The following HTR7 variants were observed in gnomAD, a reference collection of about 807,000 sequenced individuals.
HTR7 encodes the protein 5-hydroxytryptamine receptor 7.
HTR7 carries 16 observed loss-of-function variants against 34.0 expected under a neutral mutation model. The observed-to-expected ratio is 0.47, with a 90% CI of 0.32 to 0.71. The LOEUF is 0.71. HTR7 is among the 30% of genes least tolerant of loss of function. The pLI is 0.04. For synonymous variants in HTR7, 265 were observed against 260.2 expected (o/e 1.02, Z -0.18); for missense variants, 504 against 625.5 (o/e 0.81, Z 2.07).
chr10:90,807,608 A>C (rs1208778166), intron 1 of HTR7, among the ~76,000 whole-genome samples: 1 of 152,200 alleles, frequency 6.6e-6, no homozygotes, highest in Non-Finnish European at 1.5e-5. Context: ...CAAATATTAT[A>C]AAACGGCCCC....
At chr10:90,803,401 A>C (rs1845659177) in intron 1 of HTR7, among the ~76,000 whole-genome samples, 1 of 152,094 alleles carries the variant, frequency 6.6e-6, no homozygotes, top group South Asian at 2.1e-4. Context: ...CGTTTACTGG[A>C]GTTGTACACA....
At chr10:90,765,611 T>G (rs1227459400) in intron 1 of HTR7, among the ~76,000 whole-genome samples, 1 of 152,024 alleles carries the variant, frequency 6.6e-6, no homozygotes, top group African/African-American at 2.4e-5. Flanking sequence ...ACATATAAAG[T>G]TGCATTGTTT....
At chr10:90,845,693 T>C (rs1846404998) in intron 1 of HTR7, among the ~76,000 whole-genome samples, 1 of 152,232 alleles carries the variant, frequency 6.6e-6, no homozygotes, top group Non-Finnish European at 1.5e-5. Flanking sequence ...ACTCTCACAA[T>C]GAAGTTTTAG....
chr10:90,842,346 A>G (rs952644424), intron 1 of HTR7, among the ~76,000 whole-genome samples: 1 of 152,166 alleles, frequency 6.6e-6, no homozygotes, highest in Non-Finnish European at 1.5e-5. Flanking sequence ...AACTGTGAGA[A>G]ACAAATTTCT....
intron 1 of HTR7, among the ~76,000 whole-genome samples, chr10:90,849,169 C>A (rs1589481997): frequency 6.6e-6 from 1 of 152,138 alleles, no homozygotes; most frequent in Non-Finnish European, 1.5e-5. Context: ...AAGCATCTTT[C>A]TGATATGTAC....
At chr10:90,765,429 A>G (rs1412157416) in intron 1 of HTR7, among the ~76,000 whole-genome samples, 2 of 150,866 alleles carry the variant, frequency 1.3e-5, no homozygotes, top group Non-Finnish European at 3.0e-5. Flanking sequence ...ATTCCCTCTC[A>G]TTCTTAGTCT....
chr10:90,761,569 T>C (rs564234946), intron 1 of HTR7, among the ~76,000 whole-genome samples: 28 of 151,720 alleles, frequency 1.8e-4, no homozygotes, highest in South Asian at 8.3e-4. Context: ...ATGGGCCACA[T>C]AGATGTGTTA....
At chr10:90,806,917 A>G (rs1273359531) in intron 1 of HTR7, among the ~76,000 whole-genome samples, 1 of 152,204 alleles carries the variant, frequency 6.6e-6, no homozygotes, top group Non-Finnish European at 1.5e-5. Flanking sequence ...TGGGGCAACA[A>G]AAAGTACCTC....
At chr10:90,752,305 TAAC>T (rs951794051) in intron 1 of HTR7, among the ~76,000 whole-genome samples, 4 of 152,126 alleles carry the variant, frequency 2.6e-5, no homozygotes, top group Non-Finnish European at 5.9e-5. Flanking sequence ...ATGATGCAAT[TAAC>T]AACAACTAAA....
intron 1 of HTR7, among the ~76,000 whole-genome samples, chr10:90,773,984 A>G (rs1009656140): frequency 1.3e-5 from 2 of 152,124 alleles, no homozygotes; most frequent in African/African-American, 4.8e-5. Context: ...TCTGCCAACT[A>G]TATGACTGCT....
chr10:90,843,968 A>G (rs2120099159), intron 1 of HTR7, among the ~76,000 whole-genome samples: 1 of 152,356 alleles, frequency 6.6e-6, no homozygotes, highest in East Asian at 1.9e-4. Flanking sequence ...ATTGGAACAC[A>G]GCCACACCCA....
chr10:90,819,831 A>C (rs887975307), intron 1 of HTR7, among the ~76,000 whole-genome samples: 3 of 152,032 alleles, frequency 2.0e-5, no homozygotes, highest in Non-Finnish European at 2.9e-5. Context: ...TAAAAGGCTT[A>C]TCCCAGAGAT....
At chr10:90,821,263 CTGA>C (rs1299928070) in intron 1 of HTR7, among the ~76,000 whole-genome samples, 1 of 152,114 alleles carries the variant, frequency 6.6e-6, no homozygotes, top group Non-Finnish European at 1.5e-5. Context: ...TCTTGAATTG[CTGA>C]TGCCATCCCT....
chr10:90,845,266 G>T (rs1412953012), intron 1 of HTR7, among the ~76,000 whole-genome samples: 3 of 152,172 alleles, frequency 2.0e-5, no homozygotes, highest in African/African-American at 7.2e-5. Flanking sequence ...GAAAAGGAGG[G>T]TGTCTTCGGA....
At chr10:90,746,757 C>T (rs1157072811) in intron 2 of HTR7, among the ~76,000 whole-genome samples, 1 of 152,172 alleles carries the variant, frequency 6.6e-6, no homozygotes, top group African/African-American at 2.4e-5. Context: ...GTCATAAACT[C>T]TGCCTAATCC....
intron 1 of HTR7, among the ~76,000 whole-genome samples, chr10:90,774,574 A>C (rs1373261262): frequency 6.6e-6 from 1 of 152,178 alleles, no homozygotes; most frequent in African/African-American, 2.4e-5. Context: ...ATTTTTCAGA[A>C]AACTCAACTC....
At chr10:90,766,434 T>C (rs1211364759) in intron 1 of HTR7, among the ~76,000 whole-genome samples, 1 of 152,188 alleles carries the variant, frequency 6.6e-6, no homozygotes, top group East Asian at 1.9e-4. Flanking sequence ...CTCAAGTGAG[T>C]CTCTTGTAGG....
intron 1 of HTR7, among the ~76,000 whole-genome samples, chr10:90,779,534 C>T (rs995703735): frequency 4.6e-5 from 7 of 152,152 alleles, no homozygotes; most frequent in South Asian, 4.1e-4. Context: ...TCCAAAATCA[C>T]AACAAATGTA....
chr10:90,817,866 A>G (rs1418851327), intron 1 of HTR7, among the ~76,000 whole-genome samples: 2 of 152,264 alleles, frequency 1.3e-5, no homozygotes, highest in South Asian at 2.1e-4. Flanking sequence ...TGCTATACTC[A>G]TAAAACAATC....
Sources: allele counts gnomAD v4.1 joint callset (sites outside exome capture counted in the v4.1 genomes callset), GRCh38; gene constraint gnomAD v4.1.1; transcripts MANE v1.5; gene names NCBI Gene and HGNC (gene_info 2026-07-23, HGNC 2026-07-21).